The following PSTPIP2 variants were observed in gnomAD, a reference collection of about 807,000 sequenced individuals.
PSTPIP2 encodes proline-serine-threonine phosphatase interacting protein 2.
PSTPIP2 carries 33 observed loss-of-function variants against 63.3 expected under a neutral mutation model. The ratio of observed to expected loss-of-function variants is 0.52; its 90% CI spans 0.40 to 0.70. The LOEUF (loss-of-function observed/expected upper bound fraction) is 0.70. Ranked by LOEUF, PSTPIP2 falls within the 30% of genes least tolerant of loss-of-function variation. The probability of loss-of-function intolerance (pLI) is 0.00; values close to 1 mark genes in which losing one functional copy is unlikely to be tolerated. For missense variants in PSTPIP2, 312 were observed against 400.7 expected (o/e 0.78, Z 1.89); for synonymous variants, 125 against 132.7 (o/e 0.94, Z 0.40).
intron 1 of PSTPIP2, among the ~76,000 whole-genome samples, chr18:46,057,154 T>C (rs1020872223): frequency 3.3e-5 from 5 of 152,052 alleles, no homozygotes; most frequent in Admixed American, 3.3e-4. Flanking sequence ...AAATTTTACG[T>C]GCAAGGCAAG....
Position 45,984,295 on chromosome 18 carries a change from A to T in PSTPIP2, c.*1164T>A, listed in dbSNP as rs2051446080. 6.6e-6 allele frequency: 1 copy of T among 152,238 alleles called. No individual in the cohort carries two copies. Among genetic ancestry groups the T allele is most frequent in the African/African-American group, 2.4e-5 (1 of 41,464 alleles). The allele number at this position is 152,238 out of a possible 1,614,324, so 9.4% of individuals were successfully genotyped here. On this transcript the variant is annotated 3_prime_UTR_variant, in exon 15 of 15. Coordinates refer to ENST00000409746, the MANE Select transcript of PSTPIP2 (RefSeq NM_024430.4). ...CTGAGAGTGCTATTTTAACTTGTCA[A>T]TAACTAAAAGGTACCATTTTCTCAT...
Position 46,029,433 on chromosome 18 carries a change from A to T in PSTPIP2, c.135-4747T>A. 7.2e-6 allele frequency: 10 copies of T among 1,398,572 alleles called. No homozygotes were observed. In the South Asian group the frequency reaches 1.2e-4, roughly 16 times the overall value. 86.6% of individuals were successfully genotyped at this position (1,398,572 alleles called of 1,614,324 possible). A position where few individuals can be genotyped will look rare whatever the true frequency, so the allele number is the denominator to read the frequency against. On this transcript the variant is annotated intron_variant, in intron 2 of 14. Coordinates refer to ENST00000409746, the MANE Select transcript of PSTPIP2 (RefSeq NM_024430.4). ...GGGGATGGAGAAGTTTATGTTTGGG[A>T]TGTGAACTCAAGGAGGTGCCTTAAC...
At position 45,990,810 on chromosome 18, in the gene PSTPIP2, T is replaced by A. The variant is rs2051521597; in HGVS notation, c.921-54A>T. ...AGATAAGTTCTTGTTATTTTTATAA[T>A]CTTTTTACTTCTTGCTACAAGCCTA... On this transcript the variant is annotated intron_variant, in intron 12 of 14. Transcript: ENST00000409746. 7.7e-6 allele frequency: 11 copies of A among 1,420,926 alleles called. No individual in the cohort carries two copies. In the Admixed American group the frequency reaches 2.0e-4, roughly 26 times the overall value. 88.0% of individuals were successfully genotyped at this position (1,420,926 alleles called of 1,614,324 possible).
intron 1 of PSTPIP2, among the ~76,000 whole-genome samples, chr18:46,063,900 G>T (rs367997557): frequency 8.5e-5 from 13 of 152,276 alleles, no homozygotes; most frequent in South Asian, 2.1e-4. Context: ...ACTGAGAATA[G>T]GCCCACTCTT....
At chr18:45,999,775 G>T (rs527686651) in intron 6 of PSTPIP2, among the ~76,000 whole-genome samples, 36 of 152,084 alleles carry the variant, frequency 2.4e-4, no homozygotes, top group Non-Finnish European at 4.7e-4. Context: ...GGAAGTAATA[G>T]CTCCTATTTG....
chr18:46,044,333 G>A (rs146387400), intron 1 of PSTPIP2, among the ~76,000 whole-genome samples: 24 of 152,270 alleles, frequency 1.6e-4, no homozygotes, highest in African/African-American at 5.8e-4. Flanking sequence ...GAACAGAACA[G>A]AGCCCTCAGA....
At chr18:46,007,484 C>T (rs577963375) in intron 5 of PSTPIP2, among the ~76,000 whole-genome samples, 25 of 152,366 alleles carry the variant, frequency 1.6e-4, no homozygotes, top group African/African-American at 4.1e-4. Flanking sequence ...CAGGAACCTG[C>T]GGTTCACATG....
chr18:46,050,761 T>C (rs570503960), intron 1 of PSTPIP2, among the ~76,000 whole-genome samples: 2 of 152,218 alleles, frequency 1.3e-5, no homozygotes, highest in South Asian at 4.1e-4. Flanking sequence ...CCATTATAAA[T>C]GAGTTCATAC....
intron 3 of PSTPIP2, among the ~76,000 whole-genome samples, chr18:46,022,694 A>T (rs932619252): frequency 3.9e-5 from 6 of 152,194 alleles, no homozygotes; most frequent in Admixed American, 2.0e-4. Flanking sequence ...ACACCAGGGA[A>T]ACCAGCCTTG....
At chr18:46,042,193 C>T (rs946640594) in intron 1 of PSTPIP2, among the ~76,000 whole-genome samples, 1 of 152,158 alleles carries the variant, frequency 6.6e-6, no homozygotes, top group East Asian at 1.9e-4. Flanking sequence ...GTTGTTTGAG[C>T]ACAAATTTAG....
chr18:45,994,264 C>T (rs752827165), intron 9 of PSTPIP2, among the ~76,000 whole-genome samples: 8 of 152,142 alleles, frequency 5.3e-5, no homozygotes, highest in Non-Finnish European at 1.2e-4. Flanking sequence ...TCAAGCTGTT[C>T]TATGAAGCAG....
intron 1 of PSTPIP2, among the ~76,000 whole-genome samples, chr18:46,050,757 T>A (rs185671381): frequency 1.3e-5 from 2 of 152,236 alleles, no homozygotes; most frequent in African/African-American, 4.8e-5. Flanking sequence ...GAGCCCATTA[T>A]AAATGAGTTC....
intron 1 of PSTPIP2, among the ~76,000 whole-genome samples, chr18:46,061,135 C>T (rs1908977674): frequency 6.6e-6 from 1 of 151,968 alleles, no homozygotes; most frequent in South Asian, 2.1e-4. Flanking sequence ...GAAATCCCAT[C>T]CCTACTAAAA....
At chr18:46,050,463 C>T (rs369568963) in intron 1 of PSTPIP2, among the ~76,000 whole-genome samples, 1 of 152,004 alleles carries the variant, frequency 6.6e-6, no homozygotes, top group Non-Finnish European at 1.5e-5. Flanking sequence ...TCCCAGCTAC[C>T]TGGGATGCTA....
At chr18:45,991,025 G>T (rs963461390) in intron 12 of PSTPIP2, among the ~76,000 whole-genome samples, 1 of 152,114 alleles carries the variant, frequency 6.6e-6, no homozygotes, top group African/African-American at 2.4e-5. Context: ...TAAAATCTTA[G>T]CTGGGTAGGA....
At chr18:46,030,328 A>G (rs764375530) in intron 2 of PSTPIP2, among the ~76,000 whole-genome samples, 9 of 152,190 alleles carry the variant, frequency 5.9e-5, no homozygotes, top group African/African-American at 9.7e-5. Context: ...AAGAACCAGT[A>G]ATGTCTTAAT....
At chr18:46,038,405 G>C (rs1195528131) in intron 2 of PSTPIP2, among the ~76,000 whole-genome samples, 1 of 152,104 alleles carries the variant, frequency 6.6e-6, no homozygotes, top group Admixed American at 6.5e-5. Flanking sequence ...CAGTGCCTGG[G>C]GTCCTGAGCC....
At chr18:46,071,957 G>T (rs1171659013) in intron 1 of PSTPIP2, among the ~76,000 whole-genome samples, 199 bp downstream of exon 1, 2 of 152,150 alleles carry the variant, frequency 1.3e-5, no homozygotes, top group African/African-American at 4.8e-5. Flanking sequence ...GGGAACAGCA[G>T]CCCGGCGTCC....
chr18:46,002,644 CCTTT>C (rs1471797687), intron 6 of PSTPIP2, among the ~76,000 whole-genome samples: 1 of 152,054 alleles, frequency 6.6e-6, no homozygotes, highest in Non-Finnish European at 1.5e-5. Context: ...GCCAGTCCTT[CCTTT>C]GTTTCTTTCA....
Sources: gnomAD v4.1 joint callset for allele counts (sites outside exome capture counted in the v4.1 genomes callset) on GRCh38, gnomAD v4.1.1 for gene constraint, MANE v1.5 for transcripts, NCBI Gene and HGNC (gene_info 2026-07-23, HGNC 2026-07-21) for gene names.